TGFBR2: variants seen among roughly 807,000 people sequenced by gnomAD.
TGFBR2 encodes the protein TGF-beta receptor type-2.
TGFBR2 carries 18 observed loss-of-function variants against 49.0 expected under a neutral mutation model. The observed-to-expected ratio is 0.37, with a 90% CI of 0.25 to 0.54. The LOEUF (loss-of-function observed/expected upper bound fraction) is 0.54. Among genes scored for constraint, TGFBR2 ranks in the 20% least tolerant of loss-of-function variants. TGFBR2 has a pLI of 0.85. For synonymous variants in TGFBR2, 282 were observed against 275.9 expected (o/e 1.02, Z -0.22); for missense variants, 525 against 722.6 (o/e 0.73, Z 3.13).
At chr3:30,683,827 C>T (rs994613514) in intron 5 of TGFBR2, among the ~76,000 whole-genome samples, 2 of 152,214 alleles carry the variant, frequency 1.3e-5, no homozygotes, top group African/African-American at 4.8e-5. Context: ...TTGCCAATCA[C>T]CAGCTCTGTC....
intron 1 of TGFBR2, among the ~76,000 whole-genome samples, chr3:30,621,832 G>A (rs1698237102): frequency 6.6e-6 from 1 of 152,180 alleles, no homozygotes; most frequent in African/African-American, 2.4e-5. Flanking sequence ...TTACTGAGAT[G>A]CCTGTGGTGT....
intron 6 of TGFBR2, among the ~76,000 whole-genome samples, chr3:30,689,425 T>G (rs1466666054): frequency 2.6e-5 from 4 of 152,236 alleles, no homozygotes; most frequent in Non-Finnish European, 5.9e-5. Context: ...CTCTTTTGGA[T>G]GAATTCCCTC....
intron 1 of TGFBR2, among the ~76,000 whole-genome samples, chr3:30,618,370 C>T (rs781414180): frequency 2.6e-5 from 4 of 151,854 alleles, no homozygotes; most frequent in Non-Finnish European, 4.4e-5. Context: ...GCTGGGATTA[C>T]AGGTGTGCAC....
intron 4 of TGFBR2, among the ~76,000 whole-genome samples, chr3:30,673,093 C>T (rs1559467525): frequency 6.6e-6 from 1 of 152,198 alleles, no homozygotes; most frequent in Admixed American, 6.5e-5. Flanking sequence ...CCATGGAGAG[C>T]AGCACTGTCT....
At chr3:30,637,884 C>T (rs896976870) in intron 1 of TGFBR2, among the ~76,000 whole-genome samples, 3 of 152,138 alleles carry the variant, frequency 2.0e-5, no homozygotes, top group Non-Finnish European at 4.4e-5. Flanking sequence ...AGGCTATTTG[C>T]GTTTGCAGTG....
chr3:30,652,032 C>T (rs1698899041), intron 3 of TGFBR2, among the ~76,000 whole-genome samples: 1 of 152,148 alleles, frequency 6.6e-6, no homozygotes, highest in South Asian at 2.1e-4. Flanking sequence ...ACTGCAGATC[C>T]AGCTTGTTCT....
intron 2 of TGFBR2, among the ~76,000 whole-genome samples, chr3:30,647,795 G>T (rs1698773261): frequency 6.6e-6 from 1 of 152,068 alleles, no homozygotes; most frequent in Non-Finnish European, 1.5e-5. Context: ...TCCTGCTTCA[G>T]CTTCCTGAGT....
intron 5 of TGFBR2, among the ~76,000 whole-genome samples, chr3:30,675,029 A>T (rs1433072050): frequency 3.3e-5 from 5 of 152,138 alleles, no homozygotes; most frequent in Admixed American, 6.5e-5. Flanking sequence ...AGAATGGGCA[A>T]CAAACATCTG....
rs780427436 is a variant in TGFBR2 at position 30,657,088 on chromosome 3, A to AT, written c.454+6632dup. On this transcript the variant is annotated intron_variant, in intron 3 of 6. Transcript: ENST00000295754. ...AGTGGGTCTCCAGAGAGGAGCTGGG[A>AT]TTTTCCAAGATCTCATAGTTTGTTC... is the stretch of plus-strand genomic sequence containing the variant. 1.4e-4 allele frequency among the ~76,000 whole-genome samples: 22 copies of AT among 152,142 alleles called. 1 individual carries two copies. The highest frequency in any genetic ancestry group is 2.4e-4 in the Non-Finnish European group (16 of 68,032).
Position 30,672,567 on chromosome 3 carries a change from A to C in TGFBR2, c.1254+130A>C, listed in dbSNP as rs1036530140. 1.3e-4 allele frequency: 134 copies of C among 1,031,674 alleles called. 1 individual carries two copies. Among genetic ancestry groups the C allele is most frequent in the Non-Finnish European group, 1.5e-5 (10 of 663,382 alleles). 63.9% of individuals were successfully genotyped at this position (1,031,674 alleles called of 1,614,324 possible). Reference sequence around the variant, plus strand: ...ACACTGGTCTAGGGAATCTAGCCAAAGTATGGAGTCTGCCTTGAGCATACT... The same window carrying C: ...ACACTGGTCTAGGGAATCTAGCCAACGTATGGAGTCTGCCTTGAGCATACT... On this transcript the variant is annotated intron_variant, in intron 4 of 6. Transcript: ENST00000295754. The surrounding 1 kb of genome is among the most constrained non-coding windows in gnomAD (Gnocchi z 4.5).
intron 1 of TGFBR2, among the ~76,000 whole-genome samples, chr3:30,621,021 G>C (rs532545077): frequency 1.3e-5 from 2 of 152,236 alleles, no homozygotes; most frequent in Non-Finnish European, 2.9e-5. Flanking sequence ...TTGGCCTTCA[G>C]CCTTCTCGTC....
chr3:30,625,763 C>A (rs193241630), intron 1 of TGFBR2, among the ~76,000 whole-genome samples: 2 of 152,156 alleles, frequency 1.3e-5, no homozygotes, highest in Non-Finnish European at 2.9e-5. Context: ...CTTGATTGTA[C>A]ATGTATATGT....
At chr3:30,641,399 CA>C (rs1380989627) in intron 1 of TGFBR2, among the ~76,000 whole-genome samples, 1 of 152,066 alleles carries the variant, frequency 6.6e-6, no homozygotes, top group Non-Finnish European at 1.5e-5. Context: ...TGGTTTAAAA[CA>C]AAGGTTGGAA....
chr3:30,631,621 C>CTTT (rs71093918), intron 1 of TGFBR2, among the ~76,000 whole-genome samples: 334 of 114,532 alleles, frequency 2.9e-3, no homozygotes, highest in Non-Finnish European at 3.5e-3. Context: ...CAACTTCTTT[C>CTTT]TTTTTTTTTT....
intron 3 of TGFBR2, among the ~76,000 whole-genome samples, chr3:30,658,450 C>A (rs187759879): frequency 6.6e-6 from 1 of 152,020 alleles, no homozygotes; most frequent in East Asian, 1.9e-4. Flanking sequence ...GTAAATAAAT[C>A]AATTATATCT....
intron 3 of TGFBR2, among the ~76,000 whole-genome samples, chr3:30,653,440 C>T (rs977672693): frequency 9.9e-5 from 15 of 151,672 alleles, no homozygotes; most frequent in Non-Finnish European, 1.6e-4. Flanking sequence ...TTAGTAGAGA[C>T]GGGGTTTCAC....
intron 5 of TGFBR2, 32 bp from the exon 6 acceptor site, chr3:30,688,352 A>G (rs1363574853): frequency 3.1e-6 from 5 of 1,613,912 alleles, no homozygotes; most frequent in Non-Finnish European, 4.2e-6. Flanking sequence ...TGCCATTCTC[A>G]GTGACCCTGT....
intron 1 of TGFBR2, among the ~76,000 whole-genome samples, chr3:30,615,759 A>C (rs1182093493): frequency 6.6e-6 from 1 of 151,730 alleles, no homozygotes. Flanking sequence ...TTTTTTCCAG[A>C]GATGAGATCT....
At position 30,606,735 on chromosome 3, in the gene TGFBR2, G is replaced by T; in HGVS notation, c.-149G>T. ...GCCTCCAGGCCCCCTCCTGGCTGGC[G>T]AGCGGGCGCCACATCTGGCCCGCAC... is the stretch of plus-strand genomic sequence containing the variant. On this transcript the variant is annotated 5_prime_UTR_variant, in exon 1 of 7. Coordinates refer to ENST00000295754, the MANE Select transcript of TGFBR2 (RefSeq NM_003242.6). 2.0e-6 allele frequency: 1 copy of T among 505,652 alleles called. No individual in the cohort carries two copies. The highest frequency in any genetic ancestry group is 3.5e-5 in the East Asian group (1 of 28,190). The allele number at this position is 505,652 out of a possible 1,614,324, so 31.3% of individuals were successfully genotyped here. A position where few individuals can be genotyped will look rare whatever the true frequency, so the allele number is the denominator to read the frequency against.
Sources: gnomAD v4.1 joint callset for allele counts (sites outside exome capture counted in the v4.1 genomes callset) on GRCh38, gnomAD v4.1.1 for gene constraint, Gnocchi (gnomAD v3.1) non-coding constraint, MANE v1.5 for transcripts, NCBI Gene and HGNC (gene_info 2026-07-23, HGNC 2026-07-21) for gene names.